Variants in PWWP2A observed in about 807,000 individuals in gnomAD.
PWWP2A encodes PWWP domain-containing protein 2A.
Under a neutral mutation model 48.5 loss-of-function variants are expected in PWWP2A, and 18 were observed. The observed-to-expected ratio is 0.37, with a 90% CI of 0.26 to 0.55. PWWP2A has a LOEUF of 0.55. Among genes scored for constraint, PWWP2A ranks in the 20% least tolerant of loss-of-function variants. PWWP2A has a pLI of 0.81. For synonymous variants in PWWP2A, 396 were observed against 387.7 expected (o/e 1.02, Z -0.25); for missense variants, 867 against 976.4 (o/e 0.89, Z 1.49).
intron 1 of PWWP2A, chr5:160,108,616 T>C: frequency 3.9e-6 from 5 of 1,280,398 alleles, no homozygotes; most frequent in Non-Finnish European, 5.1e-6. Flanking sequence ...TCATGGTCTC[T>C]GTAAAGAAAA....
At chr5:160,049,795 A>G in the PWWP2A span, 1 of 806,984 alleles carries the variant, frequency 1.2e-6, no homozygotes, top group Non-Finnish European at 1.8e-6. Context: ...GATATATGGG[A>G]GGCCAGGCGC....
downstream of PWWP2A, among the ~76,000 whole-genome samples, chr5:160,089,034 A>C (rs889464638): frequency 6.6e-6 from 1 of 152,180 alleles, no homozygotes; most frequent in African/African-American, 2.4e-5. Flanking sequence ...CTTTGCCTCC[A>C]GTCTGTTTTC....
chr5:160,078,952 A>C lies in PWWP2A; in HGVS notation c.1670-784T>G, dbSNP rs141141728. ...AAATAGCATGACCAGAATGATCAACACTACTAACCTCCGTCTAATACTACG... is the reference window on the plus strand; with the variant it reads ...AAATAGCATGACCAGAATGATCAACCCTACTAACCTCCGTCTAATACTACG... On this transcript the variant is annotated intron_variant, in intron 3 of 3. Transcript: ENST00000456329. This position sits in a 1 kb window ranked among gnomAD's most constrained non-coding sequence, Gnocchi z 4.2. Among the ~76,000 whole-genome samples the C allele has an allele frequency of 9.3e-4, 142 of 152,242 alleles. No individual in the cohort carries two copies. Among genetic ancestry groups the C allele is most frequent in the African/African-American group, 3.2e-3 (132 of 41,544 alleles).
Position 160,077,859 on chromosome 5 carries a change from A to C in PWWP2A, c.*296T>G, listed in dbSNP as rs1753964590. 1.7e-5 allele frequency: 6 copies of C among 348,258 alleles called. No homozygotes were observed. In the South Asian group the frequency reaches 2.9e-4, roughly 17 times the overall value. 21.6% of individuals were successfully genotyped at this position (348,258 alleles called of 1,614,324 possible). On this transcript the variant is annotated 3_prime_UTR_variant, in exon 4 of 4. Coordinates refer to the PWWP2A transcript ENST00000456329. This position sits in a 1 kb window ranked among gnomAD's most constrained non-coding sequence, Gnocchi z 4.2. ...TTCACATTCCAAAGAAGTTACTGTCAGTGTTTCTTCATATATAAAATTCAA... is the reference window on the plus strand; with the variant it reads ...TTCACATTCCAAAGAAGTTACTGTCCGTGTTTCTTCATATATAAAATTCAA...
At chr5:160,059,952 T>C (rs1440707087), downstream of PWWP2A, among the ~76,000 whole-genome samples, 2 of 152,192 alleles carry the variant, frequency 1.3e-5, no homozygotes, top group East Asian at 1.9e-4. Context: ...AAAAACACAA[T>C]ATCTGTAAAG....
chr5:160,116,388 G>A (rs1276019848), intron 1 of PWWP2A, among the ~76,000 whole-genome samples: 4 of 152,086 alleles, frequency 2.6e-5, no homozygotes, highest in African/African-American at 4.8e-5. Context: ...CCCGGGAGGC[G>A]GAGGTTGCAG....
intron 2 of PWWP2A, among the ~76,000 whole-genome samples, chr5:160,086,317 A>C (rs1237255584): frequency 6.6e-6 from 1 of 151,904 alleles, no homozygotes; most frequent in Non-Finnish European, 1.5e-5. Context: ...CCAGGAGTTC[A>C]AGACCAGCCT....
chr5:160,057,101 G>T (rs577250395), downstream of PWWP2A, among the ~76,000 whole-genome samples: 1 of 152,146 alleles, frequency 6.6e-6, no homozygotes, highest in Non-Finnish European at 1.5e-5. The surrounding 1 kb of genome is among the most constrained non-coding windows in gnomAD (Gnocchi z 4.4). Context: ...GTTGTGGTTG[G>T]TTGTTCCCTC....
rs1473766296 is a variant in PWWP2A, at chr5:160,093,571, G to A, written c.1079C>T (p.Thr360Ile). The A allele has an allele frequency of 1.2e-6, 2 of 1,613,528 alleles. No individual in the cohort carries two copies. The highest frequency in any genetic ancestry group is 1.7e-6 in the Non-Finnish European group (2 of 1,179,808). Reference protein sequence around the residue: ...DKKRRNESVTTVNKKLKTDHK... With the variant: ...DKKRRNESVTIVNKKLKTDHK... ...GTCAGTTTTCAGTTTTTTGTTCACA[G>A]TAGTTACACTTTCATTTCTCCGTTT... Residue 360 changes from threonine (T) to isoleucine (I), a missense_variant, in exon 2 of 2, where the codon ACT (threonine) becomes ATT (isoleucine). Physicochemically the swap from Thr to Ile is moderately conservative, Grantham distance 89 (BLOSUM62 -1). Coordinates refer to ENST00000307063, the MANE Select transcript of PWWP2A (RefSeq NM_001130864.2). This position sits in a 1 kb window ranked among gnomAD's most constrained non-coding sequence, Gnocchi z 5.8.
intron 1 of PWWP2A, among the ~76,000 whole-genome samples, chr5:160,111,592 C>T (rs146156273): frequency 6.6e-5 from 10 of 152,124 alleles, no homozygotes; most frequent in Admixed American, 2.0e-4. Context: ...TATGATCACA[C>T]GACTGCACTC....
chr5:160,049,020 T>C, the PWWP2A span, among the ~76,000 whole-genome samples: 103,214 of 152,012 alleles, frequency 0.68, 35,123 homozygotes, highest in East Asian at 0.74. Flanking sequence ...CTGGACTGGG[T>C]AAATGACAAG....
chr5:160,093,091 G>T lies in PWWP2A; in HGVS notation c.1559C>A (p.Pro520His). ...TTTTGAGGGACTCTGATTTTCTGAA[G>T]GGGCCTCACCTGCTGAGCGGGTAGA... ...CTSTRSAGEAPSENQSPSKGP... is the reference protein window; with the variant it reads ...CTSTRSAGEAHSENQSPSKGP... Residue 520 changes from proline to histidine, a missense_variant, in exon 2 of 2, where the codon CCT (proline) becomes CAT (histidine). By Grantham distance (77) the Pro-to-His change is moderately conservative. Coordinates refer to ENST00000307063, the MANE Select transcript of PWWP2A (RefSeq NM_001130864.2). The surrounding 1 kb of genome is among the most constrained non-coding windows in gnomAD (Gnocchi z 5.8). 6.2e-7 allele frequency: 1 copy of T among 1,613,848 alleles called. No homozygotes were observed. The highest frequency in any genetic ancestry group is 8.5e-7 in the Non-Finnish European group (1 of 1,179,860).
chr5:160,091,352 G>C lies in PWWP2A; in HGVS notation c.*1030C>G, dbSNP rs1755041326. The stretch of plus-strand genomic sequence containing the variant: ...ACACACAAATAATTTGGATTTAGTT[G>C]ATTTTATTTACAGCTTTTTTTTGGT... On this transcript the variant is annotated 3_prime_UTR_variant, in exon 2 of 2. Coordinates refer to ENST00000307063, the MANE Select transcript of PWWP2A (RefSeq NM_001130864.2). 2.2e-6 allele frequency: 2 copies of C among 929,488 alleles called. No homozygotes were observed. The highest frequency in any genetic ancestry group is 2.4e-4 in the East Asian group (2 of 8,244). The allele number at this position is 929,488 out of a possible 1,614,324, so 57.6% of individuals were successfully genotyped here.
the PWWP2A span, among the ~76,000 whole-genome samples, chr5:160,045,485 CACACACACACACACACACACACACACACA>C: frequency 1.6e-5 from 2 of 121,280 alleles, no homozygotes; most frequent in African/African-American, 3.3e-5. Flanking sequence ...CACACACACA[CACACACACACACACACACACACACACACA>C]TACACACTCT....
Position 160,097,934 on chromosome 5 carries a change from G to T in PWWP2A, c.585-3869C>A, listed in dbSNP as rs538691849. 5.2e-4 allele frequency among the ~76,000 whole-genome samples: 79 copies of T among 152,092 alleles called. 2 individuals carry two copies. In the South Asian group the frequency reaches 0.016, roughly 32 times the overall value. On this transcript the variant is annotated intron_variant, in intron 1 of 1. Coordinates refer to ENST00000307063, the MANE Select transcript of PWWP2A (RefSeq NM_001130864.2). ...TCATTATGTTGGCCAAGCTGGTTTT[G>T]AACTTCTGGCCTGAAGTGATCCACC...
At position 160,068,882 on chromosome 5, in the gene PWWP2A, CCTT is replaced by C. The variant is rs374309415; in HGVS notation, c.*80-2014_*80-2012del. ...TTAATGCCTGTTTTTTCAAATGTCT[CCTT>C]CACTACTAACCAATATCTGTTACCT... is the stretch of plus-strand genomic sequence containing the variant. On this transcript the variant is annotated intron_variant and NMD_transcript_variant, in intron 2 of 5. Transcript: ENST00000524050. Among the ~76,000 whole-genome samples the C allele has an allele frequency of 2.8e-3, 423 of 152,312 alleles. 4 individuals carry two copies. The highest frequency in any genetic ancestry group is 9.8e-3 in the African/African-American group (407 of 41,572).
At chr5:160,090,172 T>A, downstream of PWWP2A, 1 of 984,472 alleles carries the variant, frequency 1.0e-6, no homozygotes, top group Non-Finnish European at 1.2e-6. Context: ...ACAATCATGT[T>A]TTTTTTTTCT....
chr5:160,090,031 C>A (rs1221148723), downstream of PWWP2A: 4 of 985,298 alleles, frequency 4.1e-6, no homozygotes, highest in Non-Finnish European at 4.8e-6. Context: ...TGCTTCCCTA[C>A]TGAAACTGCA....
intron 1 of PWWP2A, among the ~76,000 whole-genome samples, chr5:160,117,520 G>A (rs1252357471): frequency 6.6e-6 from 1 of 152,122 alleles, no homozygotes; most frequent in Non-Finnish European, 1.5e-5. Context: ...AGACCAGCAT[G>A]GTGGCGCACG....
Sources: allele counts gnomAD v4.1 joint callset (sites outside exome capture counted in the v4.1 genomes callset), GRCh38; gene constraint gnomAD v4.1.1; non-coding constraint Gnocchi (gnomAD v3.1); transcripts MANE v1.5; gene names NCBI Gene and HGNC (gene_info 2026-07-23, HGNC 2026-07-21).